ZNF438: variants seen among roughly 807,000 people sequenced by gnomAD.
ZNF438 encodes zinc finger protein 438.
A neutral mutation model predicts 38.0 loss-of-function variants in ZNF438; 25 were observed. The observed-to-expected ratio is 0.66, with a 90% confidence interval of 0.48 to 0.92. The LOEUF (loss-of-function observed/expected upper bound fraction) is 0.92, where lower values mean the gene tolerates loss of function less well. Among genes scored for constraint, ZNF438 ranks in the 40% least tolerant of loss-of-function variants. The pLI is 0.00. For synonymous variants in ZNF438, 372 were observed against 364.1 expected, an observed-to-expected ratio of 1.02 and a Z score of -0.25; for missense variants, 1,007 against 999.6, an observed-to-expected ratio of 1.01 and a Z score of -0.10.
intron 1 of ZNF438, among the ~76,000 whole-genome samples, chr10:31,031,222 T>G (rs563039166): frequency 1.3e-5 from 2 of 152,356 alleles, no homozygotes; most frequent in Non-Finnish European, 2.9e-5. Flanking sequence ...CAAGTGTCTG[T>G]GTATAAGCTT....
At chr10:30,849,671 T>C in exon 5 of ZNF438, 1 of 1,614,228 alleles carries the variant, frequency 6.2e-7, no homozygotes. Context: ...AGATGTTATC[T>C]TGCTTACAAA....
At chr10:30,969,415 T>C (rs903229012) in intron 1 of ZNF438, among the ~76,000 whole-genome samples, 1 of 152,202 alleles carries the variant, frequency 6.6e-6, no homozygotes, top group Non-Finnish European at 1.5e-5. Context: ...AAACAACTGA[T>C]GGTTAATTTC....
At chr10:30,941,354 G>A (rs900258765) in intron 2 of ZNF438, among the ~76,000 whole-genome samples, 1 of 152,154 alleles carries the variant, frequency 6.6e-6, no homozygotes, top group Non-Finnish European at 1.5e-5. Flanking sequence ...TTACAGGCAT[G>A]AGCCACCATG....
chr10:31,020,485 T>C (rs1389807921), intron 1 of ZNF438, among the ~76,000 whole-genome samples: 1 of 152,184 alleles, frequency 6.6e-6, no homozygotes, highest in Non-Finnish European at 1.5e-5. Context: ...TATGGCATTT[T>C]ATGGGTACTT....
intron 3 of ZNF438, among the ~76,000 whole-genome samples, chr10:30,901,372 G>A (rs1166123413): frequency 1.3e-5 from 2 of 152,024 alleles, no homozygotes; most frequent in Non-Finnish European, 2.9e-5. Context: ...ATGAAGCCGC[G>A]GACCCTCGCG....
At chr10:30,878,605 T>C (rs2038792944) in intron 3 of ZNF438, among the ~76,000 whole-genome samples, 1 of 152,138 alleles carries the variant, frequency 6.6e-6, no homozygotes, top group Non-Finnish European at 1.5e-5. Flanking sequence ...CCTTTGCCCT[T>C]GCTGGTGGAG....
intron 4 of ZNF438, among the ~76,000 whole-genome samples, chr10:30,872,103 T>C (rs1003377747): frequency 3.9e-5 from 6 of 152,018 alleles, no homozygotes; most frequent in African/African-American, 1.5e-4. Flanking sequence ...TGACTAAGAA[T>C]TGAGAGACTC....
At chr10:30,932,814 A>T (rs1394407636) in intron 2 of ZNF438, among the ~76,000 whole-genome samples, 1 of 152,234 alleles carries the variant, frequency 6.6e-6, no homozygotes, top group African/African-American at 2.4e-5. Flanking sequence ...GCCCTAATCC[A>T]ATGTACTGGT....
chr10:30,992,104 A>G (rs1380335167), intron 1 of ZNF438, among the ~76,000 whole-genome samples: 1 of 152,234 alleles, frequency 6.6e-6, no homozygotes, highest in Non-Finnish European at 1.5e-5. Flanking sequence ...ACTTCTTGCC[A>G]TCTGCAAGAC....
At chr10:30,933,736 T>C (rs1471829878) in intron 2 of ZNF438, among the ~76,000 whole-genome samples, 1 of 152,196 alleles carries the variant, frequency 6.6e-6, no homozygotes, top group Non-Finnish European at 1.5e-5. Context: ...TTGTATGTTT[T>C]CTTTGTTTTC....
exon 5 of ZNF438, chr10:30,850,102 G>A (rs2033281685): frequency 6.2e-7 from 1 of 1,614,104 alleles, no homozygotes; most frequent in Non-Finnish European, 8.5e-7. Context: ...GCTGAGCTGA[G>A]GCAACATGTG....
At chr10:31,026,314 T>C (rs912740410) in intron 1 of ZNF438, among the ~76,000 whole-genome samples, 10 of 152,128 alleles carry the variant, frequency 6.6e-5, no homozygotes, top group African/African-American at 2.4e-4. Flanking sequence ...ACCTACAGAA[T>C]GGGAGAAAAT....
intron 3 of ZNF438, among the ~76,000 whole-genome samples, chr10:30,903,301 G>A (rs1377432858): frequency 1.3e-5 from 2 of 152,206 alleles, no homozygotes; most frequent in African/African-American, 4.8e-5. Context: ...GGATGCCAAG[G>A]CCGAGGAGGC....
chr10:31,028,461 T>C (rs1278093988), intron 1 of ZNF438, among the ~76,000 whole-genome samples: 4 of 152,214 alleles, frequency 2.6e-5, no homozygotes, highest in East Asian at 3.8e-4. Context: ...TAGTAAAATA[T>C]GCATGATTTT....
Position 30,972,687 on chromosome 10 carries a change from A to G in ZNF438, c.-191-31036T>C, listed in dbSNP as rs187036658. On this transcript the variant is annotated intron_variant, in intron 1 of 5. Transcript: ENST00000413025. ...ATTACAGGCCTCTACTGTTGTCCAA[A>G]AAGACCAAGACTTCAATGATGACAG... Among the ~76,000 whole-genome samples the G allele has an allele frequency of 4.2e-3, 642 of 152,288 alleles. 1 individual carries two copies. Among genetic ancestry groups the G allele is most frequent in the Non-Finnish European group, 7.9e-3 (538 of 68,020 alleles).
Position 30,965,644 on chromosome 10 carries a change from A to G in ZNF438, c.-191-23993T>C, listed in dbSNP as rs191324451. ...AGCTGGAGGCCATTATCCTAAGTGAATTAACTTAGGAACAGAAAATTAAGT... is the reference window on the plus strand; with the variant it reads ...AGCTGGAGGCCATTATCCTAAGTGAGTTAACTTAGGAACAGAAAATTAAGT... On this transcript the variant is annotated intron_variant, in intron 1 of 5. Coordinates refer to ENST00000413025, the Ensembl canonical transcript of ZNF438. Among the ~76,000 whole-genome samples, 9 of 152,360 alleles carry G rather than the reference A, an allele frequency of 5.9e-5. No homozygotes were observed. The East Asian group carries it at 1.5e-3, about 26-fold the overall frequency.
At chr10:30,895,202 G>T (rs1054202146) in intron 3 of ZNF438, among the ~76,000 whole-genome samples, 1 of 152,054 alleles carries the variant, frequency 6.6e-6, no homozygotes, top group Admixed American at 6.6e-5. Context: ...TCCTATATTT[G>T]CCCATGTCCC....
intron 1 of ZNF438, among the ~76,000 whole-genome samples, chr10:31,025,833 TTATA>T (rs1376363801): frequency 1.3e-5 from 2 of 152,200 alleles, no homozygotes; most frequent in Non-Finnish European, 2.9e-5. Context: ...TAAGTGCTAC[TTATA>T]TAAATTATTT....
intron 1 of ZNF438, among the ~76,000 whole-genome samples, chr10:31,025,123 A>AT (rs2056854576): frequency 6.6e-6 from 1 of 152,190 alleles, no homozygotes; most frequent in African/African-American, 2.4e-5. Context: ...CAAGTCAGGC[A>AT]TTTGCCACTT....
Sources: allele counts gnomAD v4.1 joint callset (sites outside exome capture counted in the v4.1 genomes callset), GRCh38; gene constraint gnomAD v4.1.1; transcripts MANE v1.5; gene names NCBI Gene and HGNC (gene_info 2026-07-23, HGNC 2026-07-21).